Variants in MYH11 observed in about 807,000 individuals in gnomAD.
MYH11 encodes myosin-11.
Under a neutral mutation model 246.6 loss-of-function variants are expected in MYH11, and 80 were observed. The observed-to-expected ratio is 0.32, with a 90% confidence interval of 0.27 to 0.39. The LOEUF (loss-of-function observed/expected upper bound fraction) is 0.39, where lower values mean the gene tolerates loss of function less well. Among genes scored for constraint, MYH11 ranks in the 10% least tolerant of loss-of-function variants. The probability of loss-of-function intolerance (pLI) is 1.00; values close to 1 mark genes in which losing one functional copy is unlikely to be tolerated. For missense variants in MYH11, 2,158 were observed against 2,546.8 expected, an observed-to-expected ratio of 0.85 and a Z score of 3.29; for synonymous variants, 1,071 against 1,015.5, an observed-to-expected ratio of 1.05 and a Z score of -1.04.
intron 3 of MYH11, among the ~76,000 whole-genome samples, chr16:15,805,002 A>G (rs1182561856): frequency 6.6e-6 from 1 of 152,138 alleles, no homozygotes; most frequent in African/African-American, 2.4e-5. Context: ...TACCTTTTCA[A>G]TTCTTCGGGT....
intron 38 of MYH11, 76 bp downstream of exon 38, chr16:15,717,064 G>T: frequency 6.8e-7 from 1 of 1,472,212 alleles, no homozygotes; most frequent in Admixed American, 1.7e-5. Context: ...GCTGGAAGAG[G>T]TTCCCTGACT....
intron 3 of MYH11, among the ~76,000 whole-genome samples, chr16:15,818,729 C>T (rs757067930): frequency 3.3e-5 from 5 of 152,112 alleles, no homozygotes; most frequent in African/African-American, 4.8e-5. Context: ...AGCCACCGTG[C>T]CCGATTCTTT....
At chr16:15,767,206 T>C (rs1284912939) in intron 9 of MYH11, among the ~76,000 whole-genome samples, 2 of 151,886 alleles carry the variant, frequency 1.3e-5, no homozygotes, top group Admixed American at 6.6e-5. Context: ...AGATGGATGA[T>C]AGAGGATGGA....
At chr16:15,704,227 TA>T (rs2039331766) in intron 40 of MYH11, 104 bp from the exon 41 acceptor site, 1 of 1,412,014 alleles carries the variant, frequency 7.1e-7, no homozygotes, top group South Asian at 1.2e-5. Flanking sequence ...CCTATTGCAA[TA>T]TAAATTTTTT....
rs2040787160 is a variant in MYH11 at position 15,726,829 on chromosome 16, C to G, written c.3858+19G>C. On this transcript the variant is annotated intron_variant, in intron 28 of 40. Transcript: ENST00000300036. ...CACCACCCAGCACTGCCCACCACAC[C>G]ACCGCGCCACCTCCTCACCTGCAGC... 2 of 1,610,680 alleles carry G rather than the reference C, an allele frequency of 1.2e-6. No individual in the cohort carries two copies. The highest frequency in any genetic ancestry group is 1.7e-5 in the Admixed American group (1 of 59,998).
chr16:15,804,029 T>C (rs2042951994), intron 3 of MYH11, among the ~76,000 whole-genome samples: 1 of 152,132 alleles, frequency 6.6e-6, no homozygotes, highest in African/African-American at 2.4e-5. Flanking sequence ...TCTGATTCCT[T>C]CCCCAAGCCT....
intron 7 of MYH11, 101 bp downstream of exon 7, chr16:15,778,679 G>A (rs1452513239): frequency 1.7e-6 from 2 of 1,158,012 alleles, no homozygotes; most frequent in South Asian, 1.2e-5. Context: ...AACCTAAGAG[G>A]CTGGAAAGAT....
chr16:15,729,079 C>T (rs2040883407), intron 27 of MYH11, among the ~76,000 whole-genome samples: 1 of 151,836 alleles, frequency 6.6e-6, no homozygotes, highest in Non-Finnish European at 1.5e-5. Flanking sequence ...GTCCTCCCTC[C>T]AAGACATGAC....
Position 15,726,965 on chromosome 16 carries a change from C to T in MYH11, c.3741G>A (p.Lys1247=). Residue 1247 remains lysine (K), a synonymous_variant, in exon 28 of 41, where the codon AAG becomes AAA. Transcript: ENST00000300036. The part of the protein sequence containing the change: ...AGELRVLGQA[K]QEVEHKKKKL... ...TCTTCTTCTTATGTTCCACCTCCTG[C>T]TTGGCCTGGCCCAGGACCCGCAGCT... The T allele has an allele frequency of 6.2e-7, 1 of 1,613,592 alleles. No individual in the cohort carries two copies. The highest frequency in any genetic ancestry group is 8.5e-7 in the Non-Finnish European group (1 of 1,180,000).
At position 15,782,471 on chromosome 16, in the gene MYH11, G is replaced by A; in HGVS notation, c.640C>T (p.Leu214=). ...GKKDTSITGE[L]EKQLLQANPI... ...TTTGCTTGTAGAAGCTGCTTTTCCA[G>A]CTCTCCCTAAAATTCATTCACATCT... Residue 214 remains leucine (L), a synonymous_variant, in exon 6 of 41, where the codon CTG becomes TTG. Transcript: ENST00000300036. 1 of 1,613,818 alleles carries A rather than the reference G, an allele frequency of 6.2e-7. No homozygotes were observed. The highest frequency in any genetic ancestry group is 1.3e-5 in the African/African-American group (1 of 75,024).
rs8046180 is a variant in MYH11, at chr16:15,721,599, G to A, written c.4401C>T (p.Tyr1467=). 2,694 of 1,614,128 alleles carry A rather than the reference G, an allele frequency of 1.7e-3. 39 individuals are homozygous for A. In the African/African-American group the frequency reaches 0.033, roughly 20 times the overall value. ...CCTCAGCTCTGTCCCTCTCATCCGCGTATTTGGAAGAGATGTTTTTCTCCT... is the reference window on the plus strand; with the variant it reads ...CCTCAGCTCTGTCCCTCTCATCCGCATATTTGGAAGAGATGTTTTTCTCCT... ...LAEEKNISSK[Y]ADERDRAEAE... is the part of the protein sequence containing the mutation. The change falls in exon 32 of 41, where the codon TAC becomes TAT. Residue 1467 remains tyrosine, a synonymous_variant. Transcript: ENST00000300036.
chr16:15,706,767 T>C (rs1242166982), intron 40 of MYH11, among the ~76,000 whole-genome samples: 1 of 152,090 alleles, frequency 6.6e-6, no homozygotes, highest in East Asian at 1.9e-4. Context: ...ACATCAGTGC[T>C]CTAGGCACTC....
chr16:15,737,580 C>G lies in MYH11; in HGVS notation c.3162G>C (p.Glu1054Asp). ...CACCCTCCAGCTTCCGTTTCAGCTT[C>G]TCCAGCTCCTGTCGGCTCTTCTCTT... ...KKEEKSRQEL[E>D]KLKRKLEGDA... is the part of the protein sequence containing the mutation. Residue 1054 changes from glutamate (E) to aspartate (D), a missense_variant, in exon 25 of 41, where the codon GAG becomes GAC. Physicochemically the swap from Glu to Asp is conservative, Grantham distance 45. Transcript: ENST00000300036. 4.3e-6 allele frequency: 7 copies of G among 1,613,792 alleles called. No homozygotes were observed. The highest frequency in any genetic ancestry group is 5.9e-6 in the Non-Finnish European group (7 of 1,180,018).
At chr16:15,712,228 G>A (rs1327831559) in intron 40 of MYH11, among the ~76,000 whole-genome samples, 2 of 152,172 alleles carry the variant, frequency 1.3e-5, no homozygotes, top group Non-Finnish European at 2.9e-5. Context: ...ATGTGGGAAC[G>A]GGAGGGTGGT....
rs560519379 is a variant in MYH11 at position 15,762,325 on chromosome 16, T to G, written c.1129+1471A>C. On this transcript the variant is annotated intron_variant, in intron 10 of 40. Coordinates refer to ENST00000300036, the MANE Select transcript of MYH11 (RefSeq NM_002474.3). ...GAACCCTTTCCCAAAACAAACCCCC[T>G]TCTTGCCTGGAGACTAGACTGCCTT... Among the ~76,000 whole-genome samples the G allele has an allele frequency of 2.0e-5, 3 of 152,302 alleles. No individual in the cohort carries two copies. The South Asian group carries it at 6.2e-4, about 32-fold the overall frequency.
chr16:15,711,786 A>G (rs186005664), intron 40 of MYH11, among the ~76,000 whole-genome samples: 1 of 152,058 alleles, frequency 6.6e-6, no homozygotes, highest in South Asian at 2.1e-4. Flanking sequence ...TGTGTCTCCC[A>G]GGTTCAAGCG....
intron 2 of MYH11, among the ~76,000 whole-genome samples, chr16:15,833,397 A>AAGGGAGGG (rs67562721): frequency 2.6e-5 from 3 of 116,884 alleles, no homozygotes; most frequent in African/African-American, 6.8e-5. Context: ...GGAAGGAAGG[A>AAGGGAGGG]AGGAAGGAAG....
intron 20 of MYH11, among the ~76,000 whole-genome samples, chr16:15,742,900 T>C (rs1179448960): frequency 7.1e-5 from 10 of 139,968 alleles, no homozygotes; most frequent in African/African-American, 2.7e-4. Flanking sequence ...ACTGCAGCCT[T>C]GAACTCCTGG....
chr16:15,855,355 C>T (rs1418748438), intron 1 of MYH11, among the ~76,000 whole-genome samples: 1 of 152,230 alleles, frequency 6.6e-6, no homozygotes, highest in South Asian at 2.1e-4. Context: ...TCAAAGGACA[C>T]GGTGATAAAC....
Sources: gnomAD v4.1 joint callset for allele counts (sites outside exome capture counted in the v4.1 genomes callset) on GRCh38, gnomAD v4.1.1 for gene constraint, MANE v1.5 for transcripts, NCBI Gene and HGNC (gene_info 2026-07-23, HGNC 2026-07-21) for gene names.